LRRTM3: variants seen among roughly 807,000 people sequenced by gnomAD.
The protein encoded by LRRTM3 is leucine rich repeat transmembrane neuronal 3.
In LRRTM3, 24 loss-of-function variants were observed where a neutral mutation model predicts 44.7. The observed-to-expected ratio is 0.54, with a 90% CI of 0.39 to 0.76. The LOEUF is 0.76. Among genes scored for constraint, LRRTM3 ranks in the 30% least tolerant of loss-of-function variants. The pLI is 0.00. For synonymous variants in LRRTM3, 277 were observed against 278.7 expected, an observed-to-expected ratio of 0.99 and a Z score of 0.06; for missense variants, 587 against 702.2, an observed-to-expected ratio of 0.84 and a Z score of 1.85.
At chr10:67,027,211 A>G (rs1364008041) in intron 2 of LRRTM3, among the ~76,000 whole-genome samples, 1 of 152,108 alleles carries the variant, frequency 6.6e-6, no homozygotes, top group African/African-American at 2.4e-5. Context: ...CAAAAGGAGG[A>G]GAGATGAGGA....
chr10:67,040,925 T>C (rs1055380791), intron 2 of LRRTM3, among the ~76,000 whole-genome samples: 2 of 152,152 alleles, frequency 1.3e-5, no homozygotes, highest in South Asian at 4.1e-4. Context: ...TTCAAGGAGC[T>C]TGCAATCCTT....
chr10:67,027,956 T>G (rs1033582562), intron 2 of LRRTM3, among the ~76,000 whole-genome samples: 2 of 152,210 alleles, frequency 1.3e-5, no homozygotes, highest in Non-Finnish European at 2.9e-5. Context: ...AATCTCCATC[T>G]GTTTTCTCAC....
intron 2 of LRRTM3, among the ~76,000 whole-genome samples, chr10:66,967,583 A>T (rs77903839): frequency 0.015 from 2,214 of 152,062 alleles, 65 homozygotes; most frequent in African/African-American, 0.048. Context: ...AAATGATACA[A>T]CCATATGAGG....
rs534354906 is a variant in LRRTM3 at position 67,057,301 on chromosome 10, T to G, written c.1537-40286T>G. Among the ~76,000 whole-genome samples, 35 of 152,270 alleles carry G rather than the reference T, an allele frequency of 2.3e-4. No individual in the cohort carries two copies. The South Asian group carries it at 7.0e-3, about 31-fold the overall frequency. On this transcript the variant is annotated intron_variant, in intron 2 of 2. Coordinates refer to ENST00000361320, the MANE Select transcript of LRRTM3 (RefSeq NM_178011.5). ...TGTGCTGAGAATACTTAGGTTCCAC[T>G]TTCTTAGCATATGTCAAGTATACTC...
At chr10:67,049,502 A>G (rs1393819154) in intron 2 of LRRTM3, among the ~76,000 whole-genome samples, 4 of 152,084 alleles carry the variant, frequency 2.6e-5, no homozygotes. Context: ...ACAAAAATTT[A>G]CTCACCCAGT....
At chr10:66,935,607 G>T (rs1288997847) in intron 2 of LRRTM3, among the ~76,000 whole-genome samples, 1 of 151,730 alleles carries the variant, frequency 6.6e-6, no homozygotes, top group Admixed American at 6.6e-5. Context: ...TTCCACCAAG[G>T]TACGTATGTT....
chr10:67,065,981 G>A (rs1026980112), intron 2 of LRRTM3, among the ~76,000 whole-genome samples: 5 of 151,914 alleles, frequency 3.3e-5, no homozygotes, highest in African/African-American at 1.2e-4. Context: ...TGTCAACTAT[G>A]ATTGTCATAT....
intron 2 of LRRTM3, among the ~76,000 whole-genome samples, chr10:66,939,538 C>A (rs1454447029): frequency 6.6e-6 from 1 of 152,104 alleles, no homozygotes; most frequent in Admixed American, 6.5e-5. Flanking sequence ...AAATGAAGAA[C>A]TATAATTTTG....
At chr10:67,005,129 T>C (rs1395043210) in intron 2 of LRRTM3, among the ~76,000 whole-genome samples, 1 of 152,174 alleles carries the variant, frequency 6.6e-6, no homozygotes, top group Non-Finnish European at 1.5e-5. Context: ...AATGCTTTTT[T>C]ACCTGGATAA....
At chr10:66,926,822 T>C in intron 1 of LRRTM3, 99 bp from the exon 2 acceptor site, 1 of 1,113,094 alleles carries the variant, frequency 9.0e-7, no homozygotes, top group Non-Finnish European at 1.2e-6. Context: ...TTATTTAGAT[T>C]TAAATTTTTA....
intron 2 of LRRTM3, among the ~76,000 whole-genome samples, chr10:67,092,005 A>G (rs1857672620): frequency 6.6e-6 from 1 of 152,016 alleles, no homozygotes; most frequent in Non-Finnish European, 1.5e-5. Flanking sequence ...AAAACCCCTT[A>G]AGTTTAGTAG....
intron 2 of LRRTM3, among the ~76,000 whole-genome samples, chr10:67,070,394 T>C (rs549411568): frequency 3.9e-5 from 6 of 152,332 alleles, no homozygotes; most frequent in Admixed American, 3.3e-4. Context: ...CAAAAGTTCT[T>C]AGTTTTAATA....
At chr10:67,051,099 T>C (rs1283550057) in intron 2 of LRRTM3, among the ~76,000 whole-genome samples, 1 of 152,160 alleles carries the variant, frequency 6.6e-6, no homozygotes, top group Non-Finnish European at 1.5e-5. Context: ...ACCAATAAAA[T>C]AAAGACAGAG....
At chr10:67,069,519 A>G (rs1856305280) in intron 2 of LRRTM3, among the ~76,000 whole-genome samples, 1 of 152,094 alleles carries the variant, frequency 6.6e-6, no homozygotes, top group African/African-American at 2.4e-5. Context: ...AGCAATATCT[A>G]AACTAAGAAA....
intron 2 of LRRTM3, among the ~76,000 whole-genome samples, chr10:66,960,061 T>C (rs1849032065): frequency 6.6e-6 from 1 of 152,146 alleles, no homozygotes; most frequent in African/African-American, 2.4e-5. Flanking sequence ...TTGACCCTCA[T>C]AGCTATTTGA....
intron 2 of LRRTM3, among the ~76,000 whole-genome samples, chr10:66,962,913 G>A (rs1032209885): frequency 2.0e-5 from 3 of 152,028 alleles, no homozygotes; most frequent in African/African-American, 7.2e-5. Flanking sequence ...TTTTTGCCTG[G>A]TATGTTCACA....
rs1858251633 is a variant in LRRTM3 at position 67,100,077 on chromosome 10, T to C, written c.*2281T>C. Among the ~76,000 whole-genome samples the C allele has an allele frequency of 6.6e-6, 1 of 151,790 alleles. No individual in the cohort carries two copies. The highest frequency in any genetic ancestry group is 1.5e-5 in the Non-Finnish European group (1 of 67,806). On this transcript the variant is annotated 3_prime_UTR_variant, in exon 3 of 3. Coordinates refer to ENST00000361320, the MANE Select transcript of LRRTM3 (RefSeq NM_178011.5). Reference sequence around the variant, plus strand: ...ACAAATTAACATATTTGTTAATAAATAGGTTTATCTACTAATAAACCTATT... The same window carrying C: ...ACAAATTAACATATTTGTTAATAAACAGGTTTATCTACTAATAAACCTATT...
intron 2 of LRRTM3, chr10:67,054,670 T>C (rs1030938733): frequency 3.0e-4 from 45 of 152,190 alleles, no homozygotes; most frequent in African/African-American, 1.1e-3. Flanking sequence ...TGTCACAAAG[T>C]GGGAGAGGCA....
Position 66,927,323 on chromosome 10 carries a change from G to A in LRRTM3, c.407G>A (p.Arg136Gln), listed in dbSNP as rs1278032151. Residue 136 changes from arginine to glutamine, a missense_variant, in exon 2 of 3, where the codon CGG becomes CAG. Physicochemically the swap from Arg to Gln is conservative, Grantham distance 43. Transcript: ENST00000361320. The surrounding 1 kb of genome is among the most constrained non-coding windows in gnomAD (Gnocchi z 4.7). ...NNTFRPVTNL[R>Q]NLDLSYNQLH... ...ACCTTCAGACCTGTGACAAATTTAC[G>A]GAACTTGGATCTGTCCTATAATCAG... is the stretch of plus-strand genomic sequence containing the variant. The A allele has an allele frequency of 1.2e-6, 2 of 1,614,018 alleles. No individual in the cohort carries two copies. Among genetic ancestry groups the A allele is most frequent in the East Asian group, 2.2e-5 (1 of 44,876 alleles).
Sources: gnomAD v4.1 joint callset for allele counts (sites outside exome capture counted in the v4.1 genomes callset) on GRCh38, gnomAD v4.1.1 for gene constraint, Gnocchi (gnomAD v3.1) non-coding constraint, MANE v1.5 for transcripts, NCBI Gene and HGNC (gene_info 2026-07-23, HGNC 2026-07-21) for gene names.